Variants in NEB observed in about 807,000 individuals in gnomAD.
NEB encodes the protein nemaline myopathy type 2.
NEB carries 512 observed loss-of-function variants against 952.2 expected under a neutral mutation model. The observed-to-expected ratio is 0.54, with a 90% CI of 0.50 to 0.58. The LOEUF is 0.58. NEB is among the 20% of genes least tolerant of loss of function. The pLI is 0.00. For missense variants in NEB, 8,428 were observed against 9,231.1 expected (o/e 0.91, Z 3.56); for synonymous variants, 2,900 against 3,149.8 (o/e 0.92, Z 2.66).
At position 151,485,680 on chromosome 2, in the gene NEB, G is replaced by T; in HGVS notation, c.*80C>A. 1 of 1,349,446 alleles carries T rather than the reference G, an allele frequency of 7.4e-7. No individual in the cohort carries two copies. Among genetic ancestry groups the T allele is most frequent in the African/African-American group, 1.4e-5 (1 of 68,986 alleles). The allele number at this position is 1,349,446 out of a possible 1,614,324, so 83.6% of individuals were successfully genotyped here. A position where few individuals can be genotyped will look rare whatever the true frequency, so the allele number is the denominator to read the frequency against. ...AAACCATAGGCAGCTTGAGAACTTA[G>T]GTAACAGTGGAGAGTCTAAACCGAA... is the stretch of plus-strand genomic sequence containing the variant. On this transcript the variant is annotated 3_prime_UTR_variant, in exon 182 of 182. Transcript: ENST00000397345.
chr2:151,724,707 T>C lies in NEB; in HGVS notation c.507+150A>G, dbSNP rs2099785153. 2.0e-5 allele frequency: 13 copies of C among 647,536 alleles called. No homozygotes were observed. The East Asian group carries it at 3.5e-4, about 18-fold the overall frequency. 40.1% of individuals were successfully genotyped at this position (647,536 alleles called of 1,614,324 possible). A position where few individuals can be genotyped will look rare whatever the true frequency, so the allele number is the denominator to read the frequency against. On this transcript the variant is annotated intron_variant, in intron 7 of 181. Coordinates refer to ENST00000397345, the MANE Select transcript of NEB (RefSeq NM_001164508.2). ...GTTCTACAGGCCACTCAGTCATCTG[T>C]GCAGCCTCCTTGATGAATACAGGTA...
chr2:151,725,345 A>G (rs977607939), intron 6 of NEB, 108 bp downstream of exon 6: 5 of 840,780 alleles, frequency 5.9e-6, no homozygotes, highest in African/African-American at 5.1e-5. Flanking sequence ...GAACTAGCTC[A>G]TAGTAATTCA....
In NEB at chr2:151,576,372, GGTAGAA is replaced by G. The variant is rs761613714; in HGVS notation, c.16705-24_16705-19del. 4 of 1,567,306 alleles carry G rather than the reference GGTAGAA, an allele frequency of 2.6e-6. No homozygotes were observed. In the East Asian group the frequency reaches 9.0e-5, roughly 35 times the overall value. ...TAGAGGGCCTGAAAAAGAAAACACAGGTAGAAGCAGGGTTTGTGTTTTGTTGTGTAT... is the reference window on the plus strand; with the variant it reads ...TAGAGGGCCTGAAAAAGAAAACACAGGCAGGGTTTGTGTTTTGTTGTGTAT... On this transcript the variant is annotated intron_variant, in intron 105 of 181. Coordinates refer to ENST00000397345, the MANE Select transcript of NEB (RefSeq NM_001164508.2).
intron 20 of NEB, 63 bp from the exon 21 acceptor site, chr2:151,692,425 C>T: frequency 1.6e-6 from 2 of 1,283,600 alleles, no homozygotes; most frequent in Non-Finnish European, 2.2e-6. Flanking sequence ...AAGTAAAAGT[C>T]ATTCATGTCT....
Position 151,499,425 on chromosome 2 carries a change from G to A in NEB, c.24022-35C>T, listed in dbSNP as rs761266883. On this transcript the variant is annotated intron_variant, in intron 168 of 181. Coordinates refer to ENST00000397345, the MANE Select transcript of NEB (RefSeq NM_001164508.2). The stretch of plus-strand genomic sequence containing the variant: ...ACAAGAAAGCATCCAGAAAAAACAA[G>A]AGCAGTCAAAACAGCCCTTTCATCT... The A allele has an allele frequency of 4.6e-6, 6 of 1,292,660 alleles. No homozygotes were observed. In the South Asian group the frequency reaches 5.1e-5, roughly 11 times the overall value. 80.1% of individuals were successfully genotyped at this position (1,292,660 alleles called of 1,614,324 possible). A position where few individuals can be genotyped will look rare whatever the true frequency, so the allele number is the denominator to read the frequency against.
chr2:151,716,881 A>T (rs767370404), intron 10 of NEB, among the ~76,000 whole-genome samples: 2 of 152,248 alleles, frequency 1.3e-5, no homozygotes, highest in African/African-American at 2.4e-5. Context: ...GTCTCTCTGC[A>T]TTCCTCATCA....
intron 37 of NEB, chr2:151,671,512 G>T: frequency 3.0e-6 from 1 of 331,940 alleles, no homozygotes; most frequent in Non-Finnish European, 5.6e-6. Context: ...TTCTATAATG[G>T]TTGTTTATCT....
intron 64 of NEB, among the ~76,000 whole-genome samples, 195 bp from the exon 65 acceptor site, chr2:151,634,160 T>C (rs575135001): frequency 2.8e-4 from 43 of 152,270 alleles, no homozygotes; most frequent in Non-Finnish European, 7.4e-5. Context: ...AATTGTAGTA[T>C]ATACCCCAAA....
chr2:151,561,419 T>A, intron 121 of NEB, 107 bp from the exon 122 acceptor site: 2 of 759,844 alleles, frequency 2.6e-6, no homozygotes, highest in Non-Finnish European at 4.5e-6. Context: ...ATTTCTGCTT[T>A]AATCCTAACA....
chr2:151,635,352 T>G (rs773174117), intron 64 of NEB, among the ~76,000 whole-genome samples: 9 of 152,124 alleles, frequency 5.9e-5, no homozygotes, highest in Admixed American at 3.3e-4. Context: ...CATTTGTTCC[T>G]CAAGAATCCC....
chr2:151,690,584 T>C (rs531417831), intron 24 of NEB, 143 bp downstream of exon 24: 1 of 683,450 alleles, frequency 1.5e-6, no homozygotes, highest in African/African-American at 1.8e-5. Context: ...AGCAGCCTCA[T>C]TTGTGTTTTA....
chr2:151,688,091 G>A (rs769510435), intron 25 of NEB, among the ~76,000 whole-genome samples: 3 of 152,208 alleles, frequency 2.0e-5, no homozygotes, highest in Non-Finnish European at 4.4e-5. Context: ...GAGATCTTCT[G>A]ATAGTAACAG....
chr2:151,625,299 C>T (rs372386615), intron 71 of NEB, among the ~76,000 whole-genome samples: 5 of 151,882 alleles, frequency 3.3e-5, no homozygotes, highest in African/African-American at 1.2e-4. Flanking sequence ...ATATTTTTTC[C>T]CTCCTGAAAT....
intron 165 of NEB, among the ~76,000 whole-genome samples, chr2:151,503,839 T>A (rs1483973512): frequency 6.6e-6 from 1 of 152,198 alleles, no homozygotes; most frequent in African/African-American, 2.4e-5. Flanking sequence ...GGATACTCTA[T>A]TCCTTCAGGC....
At chr2:151,663,039 G>C (rs2154170937) in intron 45 of NEB, among the ~76,000 whole-genome samples, 1 of 152,198 alleles carries the variant, frequency 6.6e-6, no homozygotes, top group South Asian at 2.1e-4. Context: ...CTAAATTCTT[G>C]GCTCTATTCT....
Position 151,695,565 on chromosome 2 carries a change from A to G in NEB, c.1674+13T>C, listed in dbSNP as rs1443136200. Reference sequence around the variant, plus strand: ...GTCAGTACATCACATGGTACAGGGCATAAGGAACTTACATCACTCAAGTTA... The same window carrying G: ...GTCAGTACATCACATGGTACAGGGCGTAAGGAACTTACATCACTCAAGTTA... On this transcript the variant is annotated intron_variant, in intron 18 of 181. Transcript: ENST00000397345. 7 of 1,597,296 alleles carry G rather than the reference A, an allele frequency of 4.4e-6. No individual in the cohort carries two copies. The highest frequency in any genetic ancestry group is 6.0e-6 in the Non-Finnish European group (7 of 1,165,100).
At chr2:151,564,496 G>C (rs1307826983) in intron 117 of NEB, among the ~76,000 whole-genome samples, 1 of 152,112 alleles carries the variant, frequency 6.6e-6, no homozygotes, top group Non-Finnish European at 1.5e-5. Flanking sequence ...TGCGGTCCTA[G>C]TAAAAGTGAC....
chr2:151,569,340 A>G lies in NEB; in HGVS notation c.17463T>C (p.Arg5821=), dbSNP rs2153749667. ...NVYKADLEWL[R]GIGWMPNDSV... ...AGTCATTTGGCATCCACCCAATTCCACGCAACCATTCCAAGTCAGCCTTGT... is the reference window on the plus strand; with the variant it reads ...AGTCATTTGGCATCCACCCAATTCCGCGCAACCATTCCAAGTCAGCCTTGT... The change falls in exon 110 of 182, where the codon CGT becomes CGC. Residue 5821 remains arginine, a synonymous_variant. Transcript: ENST00000397345. 1 of 1,613,938 alleles carries G rather than the reference A, an allele frequency of 6.2e-7. No individual in the cohort carries two copies. Among genetic ancestry groups the G allele is most frequent in the Non-Finnish European group, 8.5e-7 (1 of 1,179,836 alleles).
At chr2:151,729,571 C>T (rs1429768696) in intron 4 of NEB, 44 bp downstream of exon 4, 1 of 1,603,966 alleles carries the variant, frequency 6.2e-7, no homozygotes, top group Non-Finnish European at 8.5e-7. Flanking sequence ...GCTCTTCCTG[C>T]TTTAATGAGA....
Sources: gnomAD v4.1 joint callset for allele counts (sites outside exome capture counted in the v4.1 genomes callset) on GRCh38, gnomAD v4.1.1 for gene constraint, MANE v1.5 for transcripts, NCBI Gene and HGNC (gene_info 2026-07-23, HGNC 2026-07-21) for gene names.